RABEP1: variants seen among roughly 807,000 people sequenced by gnomAD.
RABEP1 encodes rab GTPase-binding effector protein 1.
In RABEP1, 51 loss-of-function variants were observed where a neutral mutation model predicts 123.4. The observed-to-expected ratio is 0.41, with a 90% CI of 0.33 to 0.52. RABEP1 has a LOEUF of 0.52. Ranked by LOEUF, RABEP1 falls within the 20% of genes least tolerant of loss-of-function variation. RABEP1 has a pLI of 0.16. For synonymous variants in RABEP1, 347 were observed against 355.2 expected, an observed-to-expected ratio of 0.98 and a Z score of 0.26; for missense variants, 888 against 996.3, an observed-to-expected ratio of 0.89 and a Z score of 1.46.
At chr17:5,291,712 G>A (rs1378836478) in intron 1 of RABEP1, among the ~76,000 whole-genome samples, 1 of 152,164 alleles carries the variant, frequency 6.6e-6, no homozygotes, top group African/African-American at 2.4e-5. Context: ...TTTGAGGCCA[G>A]CCTGGCCAAC....
chr17:5,354,624 T>C, intron 8 of RABEP1, 134 bp downstream of exon 8: 1 of 770,054 alleles, frequency 1.3e-6, no homozygotes. Flanking sequence ...TAGATAAAAA[T>C]GACAGTATTT....
chr17:5,330,262 A>G (rs1266622232), intron 2 of RABEP1, among the ~76,000 whole-genome samples: 1 of 152,140 alleles, frequency 6.6e-6, no homozygotes, highest in African/African-American at 2.4e-5. Flanking sequence ...AAGGGACTTC[A>G]CACAATTACT....
At chr17:5,321,946 C>T (rs2144567512) in intron 2 of RABEP1, among the ~76,000 whole-genome samples, 1 of 152,326 alleles carries the variant, frequency 6.6e-6, no homozygotes, top group Non-Finnish European at 1.5e-5. Context: ...CGCCTCTAAT[C>T]CCAGCACTTT....
Position 5,361,004 on chromosome 17 carries a change from T to C in RABEP1, c.1096-204T>C, listed in dbSNP as rs1281852983. The stretch of plus-strand genomic sequence containing the variant: ...GTATGTATCTCGAGGTCAGGGATTA[T>C]ATCTTGCTCACAGTTGTATCCTGAG... On this transcript the variant is annotated intron_variant, in intron 8 of 17. Coordinates refer to ENST00000537505, the MANE Select transcript of RABEP1 (RefSeq NM_004703.6). The C allele has an allele frequency of 1.2e-5, 7 of 576,974 alleles. No homozygotes were observed. The East Asian group carries it at 1.7e-4, about 14-fold the overall frequency. 35.7% of individuals were successfully genotyped at this position (576,974 alleles called of 1,614,324 possible).
In RABEP1 at chr17:5,328,946, T is replaced by A. The variant is rs577723371; in HGVS notation, c.164-3003T>A. The stretch of plus-strand genomic sequence containing the variant: ...TGAGACTGTCTCAAAAAAAAAAAAA[T>A]AAATTATTAGTATAACCAAATGAAG... On this transcript the variant is annotated intron_variant, in intron 2 of 17. Transcript: ENST00000537505. Among the ~76,000 whole-genome samples, 55 of 147,906 alleles carry A rather than the reference T, an allele frequency of 3.7e-4. 1 individual carries two copies. In the South Asian group the frequency reaches 4.3e-3, roughly 12 times the overall value.
Position 5,362,915 on chromosome 17 carries a change from C to A in RABEP1, c.1567C>A (p.His523Asn). 1.2e-6 allele frequency: 2 copies of A among 1,610,936 alleles called. No individual in the cohort carries two copies. The highest frequency in any genetic ancestry group is 1.7e-6 in the Non-Finnish European group (2 of 1,177,124). ...TEWNLLQKEV[H>N]NAGNKLGRRC... The stretch of plus-strand genomic sequence containing the variant: ...AGGTAATTTTGGTGCCCTTCAGGTA[C>A]ATAATGCTGGAAATAAACTTGGTAG... The change falls in exon 10 of 18, where the codon CAT becomes AAT. Residue 523 changes from histidine to asparagine, a missense_variant. Transcript: ENST00000537505.
intron 11 of RABEP1, among the ~76,000 whole-genome samples, chr17:5,367,452 G>A (rs1910131846): frequency 6.6e-6 from 1 of 151,130 alleles, no homozygotes; most frequent in African/African-American, 2.4e-5. Flanking sequence ...TTTATTTTTA[G>A]TAGAGACGGG....
intron 8 of RABEP1, among the ~76,000 whole-genome samples, chr17:5,355,729 A>G: frequency 6.6e-6 from 1 of 152,318 alleles, no homozygotes; most frequent in South Asian, 2.1e-4. Flanking sequence ...GGTTATATAT[A>G]TGCCCATGCT....
At chr17:5,360,689 C>T (rs552105488) in intron 8 of RABEP1, among the ~76,000 whole-genome samples, 21 of 152,328 alleles carry the variant, frequency 1.4e-4, no homozygotes, top group African/African-American at 4.6e-4. Context: ...CACACTCATC[C>T]TACGTGTTCT....
intron 15 of RABEP1, among the ~76,000 whole-genome samples, chr17:5,379,530 T>C (rs1001359206): frequency 2.0e-5 from 3 of 152,184 alleles, no homozygotes; most frequent in Non-Finnish European, 4.4e-5. Context: ...ACTGCCTGAC[T>C]TCCCAGGCAT....
rs543254823 is a variant in RABEP1, at chr17:5,325,574, G to C, written c.164-6375G>C. Among the ~76,000 whole-genome samples, 45 of 152,070 alleles carry C rather than the reference G, an allele frequency of 3.0e-4. No individual in the cohort carries two copies. In the South Asian group the frequency reaches 8.9e-3, roughly 30 times the overall value. On this transcript the variant is annotated intron_variant, in intron 2 of 17. Transcript: ENST00000537505. The stretch of plus-strand genomic sequence containing the variant: ...AGTTGATTAATGGGTATGAGTATGT[G>C]GTTTGATAGAAGAAATAAGACCTAG...
At position 5,383,913 on chromosome 17, in the gene RABEP1, G is replaced by A. The variant is rs190652700; in HGVS notation, c.*690G>A. 1.3e-5 allele frequency: 3 copies of A among 222,960 alleles called. No individual in the cohort carries two copies. Among genetic ancestry groups the A allele is most frequent in the East Asian group, 6.6e-5 (1 of 15,184 alleles). 13.8% of individuals were successfully genotyped at this position (222,960 alleles called of 1,614,324 possible). ...TATATACTGGAAGTTGAAGGTTAAA[G>A]GAAAAGCACAAGAAACTTTGGAAGC... is the stretch of plus-strand genomic sequence containing the variant. On this transcript the variant is annotated 3_prime_UTR_variant, in exon 18 of 18. Transcript: ENST00000537505.
intron 7 of RABEP1, 51 bp downstream of exon 7, chr17:5,350,680 C>G: frequency 6.3e-7 from 1 of 1,580,728 alleles, no homozygotes; most frequent in Non-Finnish European, 8.7e-7. Context: ...TGTCCCCCAC[C>G]ACATGTGATT....
intron 17 of RABEP1, 77 bp downstream of exon 17, chr17:5,381,582 C>CA: frequency 6.6e-7 from 1 of 1,523,434 alleles, no homozygotes; most frequent in Non-Finnish European, 8.8e-7. Flanking sequence ...CCTGACTTGA[C>CA]CACTGGCAGT....
intron 5 of RABEP1, among the ~76,000 whole-genome samples, chr17:5,345,328 T>G (rs187716480): frequency 6.6e-6 from 1 of 152,168 alleles, no homozygotes; most frequent in South Asian, 2.1e-4. Context: ...TTCAGTGGTT[T>G]GTTTGTACCC....
At chr17:5,325,551 T>G (rs115318536) in intron 2 of RABEP1, among the ~76,000 whole-genome samples, 176 of 151,916 alleles carry the variant, frequency 1.2e-3, no homozygotes, top group African/African-American at 4.2e-3. Context: ...TGAAGAGAAG[T>G]TGATTAATGG....
At chr17:5,354,336 A>G (rs1181643153) in intron 7 of RABEP1, 23 bp from the exon 8 acceptor site, 12 of 1,593,052 alleles carry the variant, frequency 7.5e-6, no homozygotes, top group African/African-American at 4.1e-5. Context: ...TGGGTCATAT[A>G]TATGTTTTTT....
chr17:5,368,980 C>T (rs1260666496), intron 12 of RABEP1, among the ~76,000 whole-genome samples: 2 of 152,098 alleles, frequency 1.3e-5, no homozygotes, highest in Non-Finnish European at 2.9e-5. Context: ...TGGTGGTGTG[C>T]ACCTGCAAAT....
At chr17:5,282,724 G>A (rs1466488347) in intron 1 of RABEP1, among the ~76,000 whole-genome samples, 1 of 149,096 alleles carries the variant, frequency 6.7e-6, no homozygotes, top group Non-Finnish European at 1.5e-5. Context: ...GGGGGCGGGA[G>A]GCGCGGGTGC....
Sources: allele counts gnomAD v4.1 joint callset (sites outside exome capture counted in the v4.1 genomes callset), GRCh38; gene constraint gnomAD v4.1.1; transcripts MANE v1.5; gene names NCBI Gene and HGNC (gene_info 2026-07-23, HGNC 2026-07-21).